Variants in MYO1E observed in about 807,000 individuals in gnomAD.
The protein encoded by MYO1E is myosin IE.
MYO1E carries 68 observed loss-of-function variants against 151.1 expected under a neutral mutation model. The ratio of observed to expected loss-of-function variants is 0.45; its 90% CI spans 0.37 to 0.55. MYO1E has a LOEUF of 0.55. Among genes scored for constraint, MYO1E ranks in the 20% least tolerant of loss-of-function variants. The pLI, the probability that MYO1E is intolerant of heterozygous loss-of-function variation, is 0.00. For missense variants in MYO1E, 1,363 were observed against 1,389.3 expected (o/e 0.98, Z 0.30); for synonymous variants, 601 against 501.7 (o/e 1.20, Z -2.64).
rs184909243 is a variant in MYO1E at position 59,276,933 on chromosome 15, G to A, written c.4-4484C>T. Among the ~76,000 whole-genome samples the A allele has an allele frequency of 5.9e-5, 9 of 152,318 alleles. No homozygotes were observed. The East Asian group carries it at 1.5e-3, about 26-fold the overall frequency. On this transcript the variant is annotated intron_variant, in intron 1 of 27. Transcript: ENST00000288235. The stretch of plus-strand genomic sequence containing the variant: ...GTAGGCCTGGCCCCACGCGGCAGCG[G>A]TTCTGCAAACACTTCATTAGTGTCC...
chr15:59,223,315 GAAAAAA>G, intron 8 of MYO1E, 124 bp from the exon 9 acceptor site: 1 of 775,090 alleles, frequency 1.3e-6, no homozygotes, highest in Non-Finnish European at 1.9e-6. Context: ...GAGTTACAAA[GAAAAAA>G]AAAAAAAAAA....
At chr15:59,323,028 G>T (rs922621966) in intron 1 of MYO1E, among the ~76,000 whole-genome samples, 7 of 150,594 alleles carry the variant, frequency 4.6e-5, no homozygotes, top group Non-Finnish European at 1.0e-4. Context: ...AAATAGCCTG[G>T]TATGGTGGTG....
intron 1 of MYO1E, among the ~76,000 whole-genome samples, chr15:59,319,660 T>A (rs999641196): frequency 3.4e-5 from 5 of 147,966 alleles, no homozygotes; most frequent in African/African-American, 1.2e-4. Flanking sequence ...TCCCAGCACT[T>A]TGAGAGGCCG....
chr15:59,355,901 T>C (rs1372418869), intron 1 of MYO1E, among the ~76,000 whole-genome samples: 1 of 152,096 alleles, frequency 6.6e-6, no homozygotes, highest in South Asian at 2.1e-4. Context: ...TATTTTTTTG[T>C]AGAGACGGGG....
rs766867856 is a variant in MYO1E at position 59,153,681 on chromosome 15, AGGGC to A, written c.2985_2988del (p.Pro996CysfsTer109). 1 of 1,614,184 alleles carries A rather than the reference AGGGC, an allele frequency of 6.2e-7. No individual in the cohort carries two copies. The highest frequency in any genetic ancestry group is 8.5e-7 in the Non-Finnish European group (1 of 1,180,028). On this transcript the variant is annotated frameshift_variant, in exon 26 of 28. Transcript: ENST00000288235. LOFTEE classifies it high-confidence loss of function. ...GAACTGGTAGACTGCTGCCGAGGCA[AGGGC>A]GGGCGGGCCATGGAGGTGTACAGGC...
chr15:59,140,308 A>C (rs763075116), intron 26 of MYO1E, among the ~76,000 whole-genome samples: 1 of 152,240 alleles, frequency 6.6e-6, no homozygotes, highest in Non-Finnish European at 1.5e-5. Flanking sequence ...TGTAAGTTCA[A>C]CTTGTTCCTA....
chr15:59,282,307 C>G (rs1159941558), intron 1 of MYO1E, among the ~76,000 whole-genome samples: 1 of 152,186 alleles, frequency 6.6e-6, no homozygotes, highest in East Asian at 1.9e-4. Context: ...GGCTCCCAAG[C>G]CCCCTGCTCT....
chr15:59,149,961 T>C (rs138627320), intron 26 of MYO1E, among the ~76,000 whole-genome samples: 5 of 152,168 alleles, frequency 3.3e-5, no homozygotes, highest in Admixed American at 2.0e-4. Context: ...TCTTGGCAAA[T>C]AGGAGAAGCT....
intron 1 of MYO1E, among the ~76,000 whole-genome samples, chr15:59,332,247 CAA>C (rs1177847960): frequency 9.9e-5 from 15 of 152,152 alleles, no homozygotes; most frequent in African/African-American, 3.6e-4. Context: ...AGGGAGAATT[CAA>C]AGTCTTCTAA....
At chr15:59,232,057 A>G (rs561076333) in intron 5 of MYO1E, among the ~76,000 whole-genome samples, 4 of 152,158 alleles carry the variant, frequency 2.6e-5, no homozygotes, top group African/African-American at 4.8e-5. Flanking sequence ...CTATTCATAC[A>G]AACGTTCTCA....
intron 1 of MYO1E, among the ~76,000 whole-genome samples, chr15:59,320,815 AAAAC>A: frequency 6.6e-6 from 1 of 152,364 alleles, no homozygotes; most frequent in Non-Finnish European, 1.5e-5. Flanking sequence ...AACTGCAACA[AAAAC>A]AAAAATTGAC....
intron 1 of MYO1E, among the ~76,000 whole-genome samples, chr15:59,295,634 C>G (rs1261121147): frequency 6.6e-6 from 1 of 152,158 alleles, no homozygotes; most frequent in Non-Finnish European, 1.5e-5. Context: ...CGCATTTGCT[C>G]CCAGTGTTTC....
intron 1 of MYO1E, among the ~76,000 whole-genome samples, chr15:59,322,720 C>T (rs1596416783): frequency 6.6e-6 from 1 of 151,996 alleles, no homozygotes; most frequent in South Asian, 2.1e-4. Flanking sequence ...TTCTAAAAAG[C>T]ACATTGGGAA....
At chr15:59,167,049 G>T (rs1475081910) in intron 22 of MYO1E, among the ~76,000 whole-genome samples, 1 of 152,194 alleles carries the variant, frequency 6.6e-6, no homozygotes, top group Non-Finnish European at 1.5e-5. Context: ...ACAACTTCCA[G>T]GTTCCCAATG....
chr15:59,251,611 A>T (rs78477274), intron 4 of MYO1E, among the ~76,000 whole-genome samples: 1 of 152,190 alleles, frequency 6.6e-6, no homozygotes, highest in Admixed American at 6.5e-5. Flanking sequence ...TTTCTCAGAG[A>T]TGCATGTGGA....
At chr15:59,251,798 G>A (rs2080166477) in intron 4 of MYO1E, among the ~76,000 whole-genome samples, 1 of 152,188 alleles carries the variant, frequency 6.6e-6, no homozygotes, top group South Asian at 2.1e-4. Context: ...AACTGAAATT[G>A]TAAATGAAAT....
At chr15:59,152,112 C>G (rs1396077549) in intron 26 of MYO1E, among the ~76,000 whole-genome samples, 11 of 151,960 alleles carry the variant, frequency 7.2e-5, no homozygotes, top group African/African-American at 2.2e-4. Context: ...GCCTGTAATC[C>G]CAGCTACTCA....
intron 4 of MYO1E, among the ~76,000 whole-genome samples, chr15:59,248,978 C>T (rs936069000): frequency 6.6e-6 from 1 of 152,228 alleles, no homozygotes; most frequent in Non-Finnish European, 1.5e-5. Context: ...CTGATTCACA[C>T]TTCCTTGTGA....
At chr15:59,345,169 T>C (rs1011027966) in intron 1 of MYO1E, among the ~76,000 whole-genome samples, 12 of 151,944 alleles carry the variant, frequency 7.9e-5, no homozygotes, top group Non-Finnish European at 1.6e-4. Flanking sequence ...CACTGGAAGC[T>C]CTTTTCTAAA....
Sources: gnomAD v4.1 joint callset for allele counts (sites outside exome capture counted in the v4.1 genomes callset) on GRCh38, gnomAD v4.1.1 for gene constraint, MANE v1.5 for transcripts, NCBI Gene and HGNC (gene_info 2026-07-23, HGNC 2026-07-21) for gene names.